The following ALMS1 variants were observed in gnomAD, a reference collection of about 807,000 sequenced individuals.
ALMS1 encodes centrosome-associated protein ALMS1.
ALMS1 carries 271 observed loss-of-function variants against 352.2 expected under a neutral mutation model. That is an observed-to-expected ratio of 0.77 (90% CI 0.70 to 0.85). ALMS1 has a LOEUF of 0.85. ALMS1 is among the 40% of genes least tolerant of loss of function. The probability of loss-of-function intolerance (pLI) is 0.00; values close to 1 mark genes in which losing one functional copy is unlikely to be tolerated. For synonymous variants in ALMS1, 1,865 were observed against 1,761.2 expected (o/e 1.06, Z -1.48); for missense variants, 5,445 against 4,870.7 (o/e 1.12, Z -3.51).
At chr2:73,444,124 A>G (rs1193432532) in intron 7 of ALMS1, among the ~76,000 whole-genome samples, 1 of 152,084 alleles carries the variant, frequency 6.6e-6, no homozygotes, top group Non-Finnish European at 1.5e-5. Context: ...TGAAGATGCA[A>G]GTTACTCAGG....
intron 16 of ALMS1, among the ~76,000 whole-genome samples, chr2:73,576,286 G>A (rs1323700306): frequency 6.6e-6 from 1 of 152,034 alleles, no homozygotes; most frequent in African/African-American, 2.4e-5. Context: ...AATTATTTTG[G>A]CTGTTTGGTT....
At chr2:73,507,042 G>GT (rs1241180028) in intron 10 of ALMS1, among the ~76,000 whole-genome samples, 3 of 151,970 alleles carry the variant, frequency 2.0e-5, no homozygotes, top group Non-Finnish European at 2.9e-5. Context: ...TAATCATGTG[G>GT]TTTTTTGTTA....
In ALMS1 at chr2:73,450,044, G is replaced by T; in HGVS notation, c.3517G>T (p.Ala1173Ser). ...HIPEEAQKVS[A>S]VTGPGNQKTW... ...ACCTGAAGAGGCTCAGAAAGTTTCAGCTGTTACTGGACCAGGTAACCAGAA... is the reference window on the plus strand; with the variant it reads ...ACCTGAAGAGGCTCAGAAAGTTTCATCTGTTACTGGACCAGGTAACCAGAA... The change falls in exon 8 of 23, where the codon GCT (alanine) becomes TCT (serine). Residue 1173 changes from alanine (A) to serine (S), a missense_variant. Ala to Ser is a moderately conservative substitution (Grantham distance 99, BLOSUM62 1). Transcript: ENST00000613296. 1 of 1,613,880 alleles carries T rather than the reference G, an allele frequency of 6.2e-7. No homozygotes were observed. The highest frequency in any genetic ancestry group is 8.5e-7 in the Non-Finnish European group (1 of 1,179,930).
At chr2:73,446,600 A>G (rs1267357473) in intron 7 of ALMS1, among the ~76,000 whole-genome samples, 4 of 152,124 alleles carry the variant, frequency 2.6e-5, no homozygotes, top group Admixed American at 6.6e-5. Context: ...ATTTCATTCT[A>G]TATTCAGCTC....
At chr2:73,527,601 G>C (rs1384146455) in intron 11 of ALMS1, among the ~76,000 whole-genome samples, 2 of 151,834 alleles carry the variant, frequency 1.3e-5, no homozygotes, top group Non-Finnish European at 2.9e-5. Context: ...CTGTGCTATA[G>C]GTTGTAATGT....
intron 11 of ALMS1, among the ~76,000 whole-genome samples, chr2:73,528,807 T>C (rs1057237545): frequency 7.2e-5 from 11 of 152,062 alleles, no homozygotes; most frequent in Non-Finnish European, 1.6e-4. Flanking sequence ...TTCCTTTTTT[T>C]CTTTTGTCTT....
Position 73,449,449 on chromosome 2 carries a change from A to T in ALMS1, c.2922A>T (p.Leu974=), listed in dbSNP as rs199769789. 47 of 1,614,054 alleles carry T rather than the reference A, an allele frequency of 2.9e-5. No individual in the cohort carries two copies. Among genetic ancestry groups the T allele is most frequent in the Admixed American group, 8.3e-5 (5 of 60,012 alleles). The change falls in exon 8 of 23, where the codon CTA becomes CTT. Residue 974 remains leucine (L), a synonymous_variant. Coordinates refer to ENST00000613296, the MANE Select transcript of ALMS1 (RefSeq NM_001378454.1). ...FYQQELPDSD[L]PRESLKMSAI... is the part of the protein sequence containing the mutation. ...AGCAAGAGTTGCCAGACAGTGATCT[A>T]CCTAGAGAATCTCTGAAAATGTCTG...
chr2:73,385,964 G>A lies in ALMS1; in HGVS notation c.96G>A (p.Ala32=). Residue 32 remains alanine (A), a synonymous_variant, in exon 1 of 23, where the codon GCG becomes GCA. Coordinates refer to ENST00000613296, the MANE Select transcript of ALMS1 (RefSeq NM_001378454.1). ...AGGAAGAGGAGGAGGCTGCAGCGGCGGCGGCGGCGAACGTGGACGACGTAG... is the reference window on the plus strand; with the variant it reads ...AGGAAGAGGAGGAGGCTGCAGCGGCAGCGGCGGCGAACGTGGACGACGTAG... The part of the protein sequence containing the change: ...EEEEEEEAAA[A]AAANVDDVVV... 6.8e-7 allele frequency: 1 copy of A among 1,477,290 alleles called. No homozygotes were observed. The allele number at this position is 1,477,290 out of a possible 1,614,324, so 91.5% of individuals were successfully genotyped here.
chr2:73,603,090 T>A (rs1675734520), intron 20 of ALMS1, 151 bp from the exon 21 acceptor site: 4 of 728,828 alleles, frequency 5.5e-6, no homozygotes, highest in East Asian at 2.7e-5. Context: ...ACCCTAGTCT[T>A]ACACTGGCTT....
intron 11 of ALMS1, among the ~76,000 whole-genome samples, chr2:73,526,157 A>G (rs1673786863): frequency 1.3e-5 from 2 of 152,162 alleles, no homozygotes; most frequent in Admixed American, 6.5e-5. Context: ...TTAAGCCAGT[A>G]CCATGATGTT....
intron 16 of ALMS1, among the ~76,000 whole-genome samples, chr2:73,583,780 A>T (rs761437506): frequency 2.0e-5 from 3 of 152,228 alleles, no homozygotes; most frequent in Admixed American, 6.5e-5. Flanking sequence ...GTCAAAAATC[A>T]TTTGAACATA....
chr2:73,453,426 T>C lies in ALMS1; in HGVS notation c.6899T>C (p.Val2300Ala), dbSNP rs1057523384. ...ATTTCATTTATACAATCTAAGAAGGTGGTTTGCTTCAAAGAACCCTCTTCC... is the reference window on the plus strand; with the variant it reads ...ATTTCATTTATACAATCTAAGAAGGCGGTTTGCTTCAAAGAACCCTCTTCC... The part of the protein sequence containing the change: ...SDISFIQSKK[V>A]VCFKEPSSTG... Residue 2300 changes from valine to alanine, a missense_variant, in exon 8 of 23, where the codon GTG becomes GCG. Coordinates refer to ENST00000613296, the MANE Select transcript of ALMS1 (RefSeq NM_001378454.1). The C allele has an allele frequency of 1.9e-6, 3 of 1,613,324 alleles. No homozygotes were observed. Among genetic ancestry groups the C allele is most frequent in the Non-Finnish European group, 1.7e-6 (2 of 1,179,616 alleles).
intron 10 of ALMS1, among the ~76,000 whole-genome samples, chr2:73,504,712 A>G (rs923164759): frequency 7.9e-5 from 12 of 152,078 alleles, no homozygotes; most frequent in Non-Finnish European, 1.8e-4. Context: ...TATTACTAAT[A>G]AAGCTGTTAT....
chr2:73,551,408 G>A (rs1228348043), intron 13 of ALMS1, among the ~76,000 whole-genome samples: 1 of 148,634 alleles, frequency 6.7e-6, no homozygotes, highest in Admixed American at 6.7e-5. Flanking sequence ...GATCACTGTG[G>A]GTATTTGAGT....
chr2:73,465,972 AAGTC>A (rs1361013267), intron 9 of ALMS1, among the ~76,000 whole-genome samples: 1 of 151,648 alleles, frequency 6.6e-6, no homozygotes, highest in Non-Finnish European at 1.5e-5. Context: ...GATCATTAAA[AAGTC>A]AGGAAACAAC....
At chr2:73,555,703 G>A (rs1674526757) in intron 13 of ALMS1, among the ~76,000 whole-genome samples, 1 of 152,106 alleles carries the variant, frequency 6.6e-6, no homozygotes, top group Non-Finnish European at 1.5e-5. Flanking sequence ...CACACCACCT[G>A]CAAAGACATT....
At chr2:73,390,848 G>T (rs1670628788) in intron 1 of ALMS1, among the ~76,000 whole-genome samples, 1 of 151,606 alleles carries the variant, frequency 6.6e-6, no homozygotes, top group South Asian at 2.1e-4. Context: ...TTGGCTAACT[G>T]CAACCTCCGC....
At position 73,489,683 on chromosome 2, in the gene ALMS1, G is replaced by C. The variant is rs3820700; in HGVS notation, c.7724G>C (p.Ser2575Thr). Residue 2575 changes from serine (S) to threonine (T), a missense_variant, in exon 10 of 23, where the codon AGT becomes ACT. Coordinates refer to ENST00000613296, the MANE Select transcript of ALMS1 (RefSeq NM_001378454.1). ...GGATGCAAGCCAGAAGCTGTATGTA[G>C]TCACATTATTATTGAGAGCCATGAA... ...GMGCKPEAVC[S>T]HIIIESHEKG... The C allele has an allele frequency of 2.5e-6, 4 of 1,613,840 alleles. No homozygotes were observed. Among genetic ancestry groups the C allele is most frequent in the Middle Eastern group, 1.6e-4 (1 of 6,082 alleles).
In ALMS1 at chr2:73,490,734, A is replaced by G. The variant is rs1672963670; in HGVS notation, c.8775A>G (p.Glu2925=). 4.3e-6 allele frequency: 7 copies of G among 1,614,176 alleles called. No homozygotes were observed. The highest frequency in any genetic ancestry group is 5.9e-6 in the Non-Finnish European group (7 of 1,180,032). Residue 2925 remains glutamate (E), a synonymous_variant, in exon 10 of 23, where the codon GAA becomes GAG. Coordinates refer to ENST00000613296, the MANE Select transcript of ALMS1 (RefSeq NM_001378454.1). ...APDLPSCIFL[E]QRELFEQCKA... ...ACCTTCCTTCTTGCATTTTTCTTGA[A>G]CAACGAGAACTCTTTGAACAGTGCA...
Sources: allele counts gnomAD v4.1 joint callset (sites outside exome capture counted in the v4.1 genomes callset), GRCh38; gene constraint gnomAD v4.1.1; transcripts MANE v1.5; gene names NCBI Gene and HGNC (gene_info 2026-07-23, HGNC 2026-07-21).